Variants in M1AP observed in about 807,000 individuals in gnomAD.
The protein encoded by M1AP is meiosis 1 associated protein.
A neutral mutation model predicts 51.2 loss-of-function variants in M1AP; 39 were observed. The observed-to-expected ratio is 0.76, with a 90% confidence interval of 0.59 to 1.00. The LOEUF is 1.00. M1AP is among the 50% of genes least tolerant of loss of function. The probability of loss-of-function intolerance (pLI) is 0.00; values close to 1 mark genes in which losing one functional copy is unlikely to be tolerated. For synonymous variants in M1AP, 251 were observed against 249.2 expected, an observed-to-expected ratio of 1.01 and a Z score of -0.07; for missense variants, 545 against 641.2, an observed-to-expected ratio of 0.85 and a Z score of 1.62.
intron 2 of M1AP, among the ~76,000 whole-genome samples, chr2:74,621,780 G>A (rs1055704384): frequency 6.6e-6 from 1 of 151,566 alleles, no homozygotes; most frequent in Admixed American, 6.6e-5. Context: ...GAAACAGAGC[G>A]AGACTCCGTC....
At chr2:74,594,741 G>T (rs976183024) in intron 4 of M1AP, among the ~76,000 whole-genome samples, 1 of 152,042 alleles carries the variant, frequency 6.6e-6, no homozygotes, top group Non-Finnish European at 1.5e-5. Context: ...GCTGGGTGTG[G>T]TAGCACGAGC....
chr2:74,615,050 G>C lies in M1AP; in HGVS notation c.340C>G (p.Leu114Val), dbSNP rs756531097. Residue 114 changes from leucine (L) to valine (V), a missense_variant, in exon 3 of 11, where the codon CTG (leucine) becomes GTG (valine). Leu to Val is a conservative substitution (Grantham distance 32). Coordinates refer to ENST00000421985, the MANE Select transcript of M1AP (RefSeq NM_001321739.2). ...TGCTGGAGCCCATCCTCTACTGCCA[G>C]CCGCAGAGAAGCACCTTGTGATCTG... Reference protein sequence around the residue: ...CFRSQGASLRLAVEDGLQQFK... With the variant: ...CFRSQGASLRVAVEDGLQQFK... 49 of 1,614,040 alleles carry C rather than the reference G, an allele frequency of 3.0e-5. No homozygotes were observed. The highest frequency in any genetic ancestry group is 1.6e-4 in the Middle Eastern group (1 of 6,082).
At chr2:74,574,297 G>C (rs1468742805) in intron 7 of M1AP, among the ~76,000 whole-genome samples, 2 of 152,146 alleles carry the variant, frequency 1.3e-5, no homozygotes, top group African/African-American at 2.4e-5. Context: ...CATCCATCTA[G>C]TTGTTCAAGT....
At chr2:74,600,169 C>A (rs1259732271) in intron 4 of M1AP, among the ~76,000 whole-genome samples, 1 of 152,150 alleles carries the variant, frequency 6.6e-6, no homozygotes, top group African/African-American at 2.4e-5. Flanking sequence ...TTTTCTATCT[C>A]AACTGAAAAA....
chr2:74,590,324 A>G (rs998446484), intron 4 of M1AP, among the ~76,000 whole-genome samples: 5 of 152,036 alleles, frequency 3.3e-5, no homozygotes, highest in African/African-American at 1.2e-4. Context: ...ATTTTATAAA[A>G]GCACTAATCC....
intron 2 of M1AP, among the ~76,000 whole-genome samples, chr2:74,638,967 C>T (rs1417409190): frequency 6.6e-6 from 1 of 152,196 alleles, no homozygotes; most frequent in South Asian, 2.1e-4. Context: ...TTATCCTTTT[C>T]CCATCCCCAA....
chr2:74,565,222 CAA>C (rs564862499), intron 7 of M1AP, among the ~76,000 whole-genome samples: 3 of 128,128 alleles, frequency 2.3e-5, no homozygotes, highest in Non-Finnish European at 3.4e-5. Flanking sequence ...GACTCCATCT[CAA>C]AAAAAAAAAA....
chr2:74,583,004 C>T (rs1056202827), intron 4 of M1AP, among the ~76,000 whole-genome samples: 14 of 151,558 alleles, frequency 9.2e-5, no homozygotes, highest in Non-Finnish European at 2.9e-5. Context: ...CTGGGCAACT[C>T]CATCTCAAAA....
intron 7 of M1AP, among the ~76,000 whole-genome samples, chr2:74,572,615 C>G (rs1298813480): frequency 6.6e-6 from 1 of 152,214 alleles, no homozygotes; most frequent in Non-Finnish European, 1.5e-5. Context: ...GCTAGGTCCT[C>G]AAACTCTGAC....
At chr2:74,571,076 T>C (rs1678708104) in intron 7 of M1AP, among the ~76,000 whole-genome samples, 1 of 152,126 alleles carries the variant, frequency 6.6e-6, no homozygotes, top group African/African-American at 2.4e-5. Context: ...AAACATGTGA[T>C]AGGGGAATGC....
chr2:74,632,376 C>G (rs1203578469), intron 2 of M1AP, among the ~76,000 whole-genome samples: 1 of 152,196 alleles, frequency 6.6e-6, no homozygotes, highest in East Asian at 1.9e-4. Context: ...ATTTCTAGCT[C>G]TCTTCATCTG....
At chr2:74,589,447 G>C (rs1679913676) in intron 4 of M1AP, among the ~76,000 whole-genome samples, 2 of 152,222 alleles carry the variant, frequency 1.3e-5, no homozygotes, top group African/African-American at 2.4e-5. Flanking sequence ...GAGTGGGGCA[G>C]AGTAAAGCAA....
intron 7 of M1AP, 26 bp from the exon 8 acceptor site, chr2:74,562,449 T>C (rs1211557637): frequency 1.2e-6 from 2 of 1,613,090 alleles, no homozygotes; most frequent in Non-Finnish European, 1.7e-6. Flanking sequence ...ACAGAAATAC[T>C]GGTTCATCTT....
chr2:74,625,087 A>C (rs911006917), intron 2 of M1AP, among the ~76,000 whole-genome samples: 1 of 152,194 alleles, frequency 6.6e-6, no homozygotes, highest in African/African-American at 2.4e-5. Context: ...TCAAATTCTC[A>C]TGAAAATGTG....
chr2:74,601,393 A>C (rs138106015), intron 4 of M1AP, among the ~76,000 whole-genome samples: 27 of 152,210 alleles, frequency 1.8e-4, no homozygotes, highest in African/African-American at 5.3e-4. Flanking sequence ...TATCAATAAT[A>C]ATATTACATG....
chr2:74,642,293 C>T (rs1307223725), intron 1 of M1AP, among the ~76,000 whole-genome samples: 3 of 151,342 alleles, frequency 2.0e-5, no homozygotes, highest in Non-Finnish European at 2.9e-5. Context: ...AACAGCATGA[C>T]CAAGTTGAGT....
At chr2:74,642,434 C>A (rs1435164209) in intron 1 of M1AP, among the ~76,000 whole-genome samples, 1 of 152,122 alleles carries the variant, frequency 6.6e-6, no homozygotes, top group Non-Finnish European at 1.5e-5. Flanking sequence ...TAAAACCCAG[C>A]ATTTGTGCAT....
intron 5 of M1AP, among the ~76,000 whole-genome samples, chr2:74,577,889 A>G (rs1275818357): frequency 1.3e-5 from 2 of 152,176 alleles, no homozygotes; most frequent in Non-Finnish European, 2.9e-5. Flanking sequence ...GCAATCCTCA[A>G]TCATTTTGGC....
At chr2:74,647,930 G>T in intron 1 of M1AP, 1 of 770,958 alleles carries the variant, frequency 1.3e-6, no homozygotes, top group Non-Finnish European at 1.6e-6. Flanking sequence ...AAAAATTCTC[G>T]TGGCTCCCTG....
Sources: allele counts gnomAD v4.1 joint callset (sites outside exome capture counted in the v4.1 genomes callset), GRCh38; gene constraint gnomAD v4.1.1; transcripts MANE v1.5; gene names NCBI Gene and HGNC (gene_info 2026-07-23, HGNC 2026-07-21).